The following IL1RAPL1 variants were observed in gnomAD, a reference collection of about 807,000 sequenced individuals.
IL1RAPL1 encodes the protein interleukin 1 receptor accessory protein like 1.
In IL1RAPL1, 3 loss-of-function variants were observed where a neutral mutation model predicts 48.4. The observed-to-expected ratio is 0.06, with a 90% confidence interval of 0.03 to 0.16. The LOEUF (loss-of-function observed/expected upper bound fraction) is 0.16. Ranked by LOEUF, IL1RAPL1 falls within the 10% of genes least tolerant of loss-of-function variation. The pLI, the probability that IL1RAPL1 is intolerant of heterozygous loss-of-function variation, is 1.00. For synonymous variants in IL1RAPL1, 185 were observed against 187.7 expected (o/e 0.99, Z 0.12); for missense variants, 349 against 530.6 (o/e 0.66, Z 3.36).
At chrX:28,797,631 ATTG>A (rs1443371845) in intron 2 of IL1RAPL1, among the ~76,000 whole-genome samples, 1 of 111,594 alleles carries the variant, frequency 9.0e-6, no homozygotes, top group Non-Finnish European at 1.9e-5. Context: ...CCCGGACCTT[ATTG>A]TTCATATCAC....
chrX:29,069,305 T>C (rs949114638), intron 2 of IL1RAPL1, among the ~76,000 whole-genome samples: 2 of 111,762 alleles, frequency 1.8e-5, no homozygotes, highest in Non-Finnish European at 3.8e-5. Flanking sequence ...TTAAAAGAAA[T>C]AAAGTTAATT....
chrX:29,420,274 T>G (rs1259440321), intron 5 of IL1RAPL1, among the ~76,000 whole-genome samples: 1 of 112,404 alleles, frequency 8.9e-6, no homozygotes, highest in African/African-American at 3.2e-5. Flanking sequence ...TAGGCAAGTT[T>G]TACCAATGCA....
intron 6 of IL1RAPL1, among the ~76,000 whole-genome samples, chrX:29,897,621 T>A (rs1932412284): frequency 8.9e-6 from 1 of 112,173 alleles, no homozygotes; most frequent in South Asian, 3.7e-4. Context: ...AAATCAAACA[T>A]CAGTTCAACC....
At chrX:29,250,546 G>C (rs1185299439) in intron 2 of IL1RAPL1, among the ~76,000 whole-genome samples, 1 of 111,632 alleles carries the variant, frequency 9.0e-6, no homozygotes, top group Non-Finnish European at 1.9e-5. Context: ...GAAATAACAA[G>C]AGGTCATTTC....
chrX:29,867,025 A>G (rs1931708516), intron 6 of IL1RAPL1, among the ~76,000 whole-genome samples: 1 of 111,100 alleles, frequency 9.0e-6, no homozygotes, highest in Non-Finnish European at 1.9e-5. Flanking sequence ...ATGTTGTCAA[A>G]TAACTTGTTC....
intron 6 of IL1RAPL1, among the ~76,000 whole-genome samples, chrX:29,715,343 G>T (rs1464178169): frequency 1.8e-5 from 2 of 111,159 alleles, no homozygotes; most frequent in African/African-American, 6.5e-5. Context: ...TCTAGGGTGG[G>T]GCAAGAGAAG....
chrX:28,873,454 G>C (rs975077982), intron 2 of IL1RAPL1, among the ~76,000 whole-genome samples: 8 of 106,525 alleles, frequency 7.5e-5, no homozygotes, highest in Admixed American at 2.0e-4. Flanking sequence ...GGTGCCATAA[G>C]GATATGAGTT....
intron 2 of IL1RAPL1, among the ~76,000 whole-genome samples, chrX:28,881,832 C>T (rs963318135): frequency 1.8e-5 from 2 of 110,454 alleles, no homozygotes; most frequent in Non-Finnish European, 1.9e-5. Flanking sequence ...ATTATCAGGT[C>T]AGAGGGGCAA....
At chrX:29,727,543 T>TTAAA (rs1927806203) in intron 6 of IL1RAPL1, among the ~76,000 whole-genome samples, 1 of 112,027 alleles carries the variant, frequency 8.9e-6, no homozygotes, top group Non-Finnish European at 1.9e-5. Context: ...TGGGATGCCA[T>TTAAA]GGGGTCATTA....
At chrX:28,963,872 C>T (rs1203851672) in intron 2 of IL1RAPL1, among the ~76,000 whole-genome samples, 1 of 110,912 alleles carries the variant, frequency 9.0e-6, no homozygotes, top group East Asian at 2.8e-4. Context: ...CTTCCCTCAC[C>T]CTACCCCACC....
intron 2 of IL1RAPL1, among the ~76,000 whole-genome samples, chrX:29,240,478 G>A (rs901350364): frequency 2.5e-4 from 27 of 107,565 alleles, no homozygotes; most frequent in African/African-American, 8.9e-4. Flanking sequence ...CAGGTGATCC[G>A]CCCTTCTCGG....
chrX:29,712,447 TA>T (rs1927377870), intron 6 of IL1RAPL1, among the ~76,000 whole-genome samples: 1 of 112,057 alleles, frequency 8.9e-6, no homozygotes, highest in Non-Finnish European at 1.9e-5. Flanking sequence ...AGGAATGATA[TA>T]AAAATACAAA....
intron 6 of IL1RAPL1, among the ~76,000 whole-genome samples, chrX:29,730,068 C>G (rs1927876965): frequency 8.9e-6 from 1 of 111,953 alleles, no homozygotes; most frequent in Non-Finnish European, 1.9e-5. Context: ...AGAGTTGTTG[C>G]ACTTGCTGTC....
chrX:29,716,802 AC>A (rs1247538353), intron 6 of IL1RAPL1, among the ~76,000 whole-genome samples: 1 of 111,815 alleles, frequency 8.9e-6, no homozygotes, highest in Non-Finnish European at 1.9e-5. Context: ...AATGTGAGTT[AC>A]CTGGATTGAA....
intron 5 of IL1RAPL1, among the ~76,000 whole-genome samples, chrX:29,547,071 C>A (rs2147785866): frequency 9.0e-6 from 1 of 111,192 alleles, no homozygotes; most frequent in East Asian, 2.8e-4. Flanking sequence ...CACTAGAAAA[C>A]CAAAAAAGTC....
chrX:29,910,777 A>G (rs1385759520), intron 6 of IL1RAPL1, among the ~76,000 whole-genome samples: 1 of 111,323 alleles, frequency 9.0e-6, no homozygotes, highest in Non-Finnish European at 1.9e-5. Context: ...ATATTTAATA[A>G]TAAAATTTTG....
intron 5 of IL1RAPL1, among the ~76,000 whole-genome samples, chrX:29,617,984 C>G (rs1245578361): frequency 8.9e-6 from 1 of 111,799 alleles, no homozygotes; most frequent in Non-Finnish European, 1.9e-5. Flanking sequence ...TCCAATCTTT[C>G]TACCCGGAGC....
chrX:29,170,825 A>G (rs1228235305), intron 2 of IL1RAPL1, among the ~76,000 whole-genome samples: 3 of 111,729 alleles, frequency 2.7e-5, no homozygotes, highest in Non-Finnish European at 5.6e-5. Flanking sequence ...AATGCTGTTA[A>G]AAGTATTCTG....
chrX:29,260,700 A>G (rs937110305), intron 2 of IL1RAPL1, among the ~76,000 whole-genome samples: 1 of 111,207 alleles, frequency 9.0e-6, no homozygotes, highest in Admixed American at 9.7e-5. Context: ...GCAAGAGGGT[A>G]TATGTGATAT....
Sources: allele counts gnomAD v4.1 joint callset (sites outside exome capture counted in the v4.1 genomes callset), GRCh38; gene constraint gnomAD v4.1.1; transcripts MANE v1.5; gene names NCBI Gene and HGNC (gene_info 2026-07-23, HGNC 2026-07-21).